The following JAK1 variants were observed in gnomAD, a reference collection of about 807,000 sequenced individuals.
The protein encoded by JAK1 is tyrosine-protein kinase JAK1.
In JAK1, 16 loss-of-function variants were observed where a neutral mutation model predicts 136.6. The ratio of observed to expected loss-of-function variants is 0.12; its 90% CI spans 0.08 to 0.18. The LOEUF is 0.18. Among genes scored for constraint, JAK1 ranks in the 10% least tolerant of loss-of-function variants. JAK1 has a pLI of 1.00. For synonymous variants in JAK1, 492 were observed against 519.5 expected (o/e 0.95, Z 0.72); for missense variants, 859 against 1,450.1 (o/e 0.59, Z 6.62).
At chr1:64,878,765 T>A (rs987499526) in intron 4 of JAK1, among the ~76,000 whole-genome samples, 6 of 152,102 alleles carry the variant, frequency 3.9e-5, no homozygotes, top group Non-Finnish European at 8.8e-5. Context: ...AACTCTGCTG[T>A]AGGACACTAA....
At chr1:64,864,171 T>C (rs1656548107) in intron 8 of JAK1, among the ~76,000 whole-genome samples, 1 of 152,244 alleles carries the variant, frequency 6.6e-6, no homozygotes, top group African/African-American at 2.4e-5. Flanking sequence ...TTAAGAGTGC[T>C]AGCTGTCTCA....
chr1:64,928,324 T>A (rs1213330345), intron 1 of JAK1, among the ~76,000 whole-genome samples: 1 of 152,176 alleles, frequency 6.6e-6, no homozygotes, highest in Non-Finnish European at 1.5e-5. Context: ...TAAGTTTCCA[T>A]GCAATAAAAG....
At chr1:64,888,091 G>A (rs1202368369) in intron 1 of JAK1, among the ~76,000 whole-genome samples, 1 of 152,182 alleles carries the variant, frequency 6.6e-6, no homozygotes, top group African/African-American at 2.4e-5. Flanking sequence ...AGGACAGGAA[G>A]AGAACTGTAA....
intron 2 of JAK1, among the ~76,000 whole-genome samples, chr1:65,005,768 A>T (rs1239077516): frequency 2.6e-5 from 4 of 152,212 alleles, no homozygotes; most frequent in Non-Finnish European, 5.9e-5. Flanking sequence ...TTCCAATTAA[A>T]ATCCCAGCAG....
At chr1:64,980,884 T>C (rs976127449) in intron 2 of JAK1, among the ~76,000 whole-genome samples, 1 of 152,184 alleles carries the variant, frequency 6.6e-6, no homozygotes, top group Non-Finnish European at 1.5e-5. Context: ...TTCATCCATG[T>C]CCCTACAAAG....
chr1:64,986,720 A>G (rs1646603116), intron 2 of JAK1, among the ~76,000 whole-genome samples: 1 of 151,934 alleles, frequency 6.6e-6, no homozygotes, highest in Admixed American at 6.6e-5. Flanking sequence ...ACAGAGAGAG[A>G]CCGTCTCTAC....
chr1:64,857,536 G>T, intron 10 of JAK1, 120 bp downstream of exon 10: 2 of 1,363,436 alleles, frequency 1.5e-6, no homozygotes, highest in South Asian at 1.4e-5. Flanking sequence ...TCTTCTCAGA[G>T]ACCCAGGCTT....
At chr1:64,902,577 A>AGTGT (rs1351832703) in intron 1 of JAK1, among the ~76,000 whole-genome samples, 77 of 40,582 alleles carry the variant, frequency 1.9e-3, no homozygotes, top group African/African-American at 4.1e-3. Flanking sequence ...AGAGAGAGAG[A>AGTGT]GAGAGAGTGT....
intron 1 of JAK1, among the ~76,000 whole-genome samples, chr1:64,932,741 A>G (rs1398522170): frequency 6.6e-6 from 1 of 152,276 alleles, no homozygotes; most frequent in East Asian, 1.9e-4. Context: ...AACTGCAATA[A>G]TCATCCATTC....
intron 1 of JAK1, among the ~76,000 whole-genome samples, chr1:64,907,280 G>T (rs1271559542): frequency 6.6e-6 from 1 of 152,134 alleles, no homozygotes; most frequent in African/African-American, 2.4e-5. Flanking sequence ...CTTTAGGGAG[G>T]AATAGCTATT....
intron 2 of JAK1, among the ~76,000 whole-genome samples, chr1:65,036,798 A>G (rs1647078740): frequency 6.6e-6 from 1 of 152,396 alleles, no homozygotes; most frequent in African/African-American, 2.4e-5. Flanking sequence ...TGTCCATTCA[A>G]TGGACTATTA....
At chr1:64,953,385 T>C (rs376601620) in intron 1 of JAK1, among the ~76,000 whole-genome samples, 1 of 152,104 alleles carries the variant, frequency 6.6e-6, no homozygotes, top group Non-Finnish European at 1.5e-5. Flanking sequence ...AGCTAGTAAG[T>C]GGCAGAGGAC....
chr1:64,931,089 T>C (rs1469612309), intron 1 of JAK1, among the ~76,000 whole-genome samples: 1 of 152,080 alleles, frequency 6.6e-6, no homozygotes, highest in African/African-American at 2.4e-5. Context: ...ATGGCACGTG[T>C]ATACCTATGT....
intron 2 of JAK1, among the ~76,000 whole-genome samples, chr1:65,031,167 A>AG (rs906023810): frequency 2.0e-5 from 3 of 151,862 alleles, no homozygotes; most frequent in African/African-American, 7.3e-5. Flanking sequence ...AAAAAAAAAA[A>AG]AAAAAAAAAG....
intron 1 of JAK1, among the ~76,000 whole-genome samples, chr1:64,900,102 T>C (rs973710240): frequency 4.6e-5 from 7 of 152,204 alleles, no homozygotes; most frequent in Non-Finnish European, 8.8e-5. Flanking sequence ...CCCTGGGTTA[T>C]ACAGGAAATT....
intron 6 of JAK1, among the ~76,000 whole-genome samples, chr1:64,868,277 G>A (rs937334301): frequency 6.6e-6 from 1 of 152,106 alleles, no homozygotes; most frequent in Non-Finnish European, 1.5e-5. Flanking sequence ...CAAGTCCACT[G>A]GGGGCCAAAT....
At chr1:64,868,109 A>G (rs1367493652) in intron 6 of JAK1, among the ~76,000 whole-genome samples, 3 of 152,218 alleles carry the variant, frequency 2.0e-5, no homozygotes, top group Non-Finnish European at 4.4e-5. Context: ...TGAATCAGAT[A>G]TATTATTTAA....
At chr1:65,063,502 C>T (rs551589974) in intron 1 of JAK1, among the ~76,000 whole-genome samples, 2 of 152,288 alleles carry the variant, frequency 1.3e-5, no homozygotes, top group South Asian at 4.1e-4. Context: ...ACAGTCACCA[C>T]TTTTGAAATT....
chr1:64,865,366 T>C (rs1274083761), intron 7 of JAK1, among the ~76,000 whole-genome samples: 2 of 152,230 alleles, frequency 1.3e-5, no homozygotes, highest in African/African-American at 4.8e-5. Flanking sequence ...GAGCTGAACA[T>C]GAGCTTTCTC....
Sources: gnomAD v4.1 joint callset for allele counts (sites outside exome capture counted in the v4.1 genomes callset) on GRCh38, gnomAD v4.1.1 for gene constraint, MANE v1.5 for transcripts, NCBI Gene and HGNC (gene_info 2026-07-23, HGNC 2026-07-21) for gene names.